Variants in FSIP2 observed in about 807,000 individuals in gnomAD.
FSIP2 encodes the protein fibrous sheath-interacting protein 2.
FSIP2 carries 367 observed loss-of-function variants against 510.5 expected under a neutral mutation model. That is an observed-to-expected ratio of 0.72 (90% CI 0.66 to 0.78). FSIP2 has a LOEUF of 0.78. Among genes scored for constraint, FSIP2 ranks in the 30% least tolerant of loss-of-function variants. The probability of loss-of-function intolerance (pLI) is 0.00; values close to 1 mark genes in which losing one functional copy is unlikely to be tolerated. For missense variants in FSIP2, 7,594 were observed against 7,901.7 expected (o/e 0.96, Z 1.48); for synonymous variants, 2,601 against 2,732.2 (o/e 0.95, Z 1.50).
intron 8 of FSIP2, among the ~76,000 whole-genome samples, chr2:185,755,019 T>A (rs1337677823): frequency 4.6e-5 from 7 of 151,524 alleles, no homozygotes; most frequent in Admixed American, 6.6e-5. Flanking sequence ...CTTCTCTGCC[T>A]CTCTGTATCC....
Position 185,743,127 on chromosome 2 carries a change from T to C in FSIP2, c.226-6T>C. 6.9e-7 allele frequency: 1 copy of C among 1,459,492 alleles called. No individual in the cohort carries two copies. Among genetic ancestry groups the C allele is most frequent in the Non-Finnish European group, 9.0e-7 (1 of 1,114,186 alleles). The allele number at this position is 1,459,492 out of a possible 1,614,324, so 90.4% of individuals were successfully genotyped here. On this transcript the variant is annotated splice_polypyrimidine_tract_variant and splice_region_variant and intron_variant, in intron 2 of 22. Coordinates refer to ENST00000424728, the MANE Select transcript of FSIP2 (RefSeq NM_173651.4). ...ATTTTACATATTTTTGAATCTGTGT[T>C]TGCAGCTTTTTCGACCTTCTTATGG...
chr2:185,831,840 G>C lies in FSIP2; in HGVS notation c.20545G>C (p.Asp6849His), dbSNP rs1202081942. Residue 6849 changes from aspartate (D) to histidine (H), a missense_variant, in exon 22 of 23, where the codon GAT (aspartate) becomes CAT (histidine). Physicochemically the swap from Asp to His is moderately conservative, Grantham distance 81. Coordinates refer to ENST00000424728, the MANE Select transcript of FSIP2 (RefSeq NM_173651.4). The part of the protein sequence containing the change: ...KFITIFERSK[D>H]VLGSANPSKE... ...TATCACCATCTTTGAAAGATCCAAG[G>C]ATGTTCTTGGCAGTGCAAATCCCTC... The C allele has an allele frequency of 6.2e-7, 1 of 1,609,486 alleles. No individual in the cohort carries two copies. The highest frequency in any genetic ancestry group is 1.3e-5 in the African/African-American group (1 of 74,666).
Position 185,808,949 on chromosome 2 carries a change from C to G in FSIP2, c.19643C>G (p.Thr6548Ser). Residue 6548 changes from threonine to serine, a missense_variant, in exon 17 of 23, where the codon ACT (threonine) becomes AGT (serine). Transcript: ENST00000424728. ...SEHLAVISIK[T>S]QPLEKLKQEC... ...CACTTAGCAGTTATTTCTATAAAAA[C>G]TCAACCTCTTGAGAAACTTAAGCAG... is the stretch of plus-strand genomic sequence containing the variant. 2 of 1,608,860 alleles carry G rather than the reference C, an allele frequency of 1.2e-6. No homozygotes were observed.
chr2:185,751,488 T>TGTGCGC (rs1325592126), intron 7 of FSIP2, among the ~76,000 whole-genome samples: 3 of 150,148 alleles, frequency 2.0e-5, no homozygotes, highest in South Asian at 4.2e-4. Context: ...TGTGTGTGTG[T>TGTGCGC]GTGTGTGTGT....
chr2:185,738,621 G>C, upstream of FSIP2: 1 of 1,535,976 alleles, frequency 6.5e-7, no homozygotes, highest in African/African-American at 1.4e-5. Flanking sequence ...GATGGTTTCA[G>C]AGAAAGATGA....
At chr2:185,812,494 G>T (rs374259760) in intron 17 of FSIP2, among the ~76,000 whole-genome samples, 2 of 151,942 alleles carry the variant, frequency 1.3e-5, no homozygotes, top group African/African-American at 4.8e-5. Flanking sequence ...GGCACCAATC[G>T]GGCTACCAAT....
intron 19 of FSIP2, 39 bp from the exon 20 acceptor site, chr2:185,824,395 A>C: frequency 7.0e-7 from 1 of 1,424,328 alleles, no homozygotes; most frequent in Non-Finnish European, 9.8e-7. Context: ...TTCATTTATC[A>C]AATTCACCCT....
Position 185,796,853 on chromosome 2 carries a change from CAA to C in FSIP2, c.9719_9720del (p.Lys3240SerfsTer10). On this transcript the variant is annotated frameshift_variant, in exon 16 of 23. Transcript: ENST00000424728. LOFTEE classifies it high-confidence loss of function. ...ETMPSCSTRN[K>X]VQDHRPRESN... ...CTATGCCATCGTGTTCTACTAGAAA[CAA>C]AGTACAAGACCACAGACCAAGGGAA... is the stretch of plus-strand genomic sequence containing the variant. The C allele has an allele frequency of 1.3e-6, 2 of 1,535,128 alleles. No homozygotes were observed. Among genetic ancestry groups the C allele is most frequent in the South Asian group, 2.4e-5 (2 of 84,036 alleles).
upstream of FSIP2, among the ~76,000 whole-genome samples, chr2:185,737,331 G>A (rs982023427): frequency 1.3e-5 from 2 of 152,170 alleles, no homozygotes; most frequent in Non-Finnish European, 2.9e-5. Flanking sequence ...TTGCGCTGAG[G>A]GCAGTTGGGA....
At position 185,762,175 on chromosome 2, in the gene FSIP2, G is replaced by T. The variant is rs557860010; in HGVS notation, c.1240+158G>T. 3.3e-5 allele frequency among the ~76,000 whole-genome samples: 5 copies of T among 151,164 alleles called. No homozygotes were observed. The East Asian group carries it at 9.7e-4, about 29-fold the overall frequency. ...TTTATGAATATAGATATTATAATTA[G>T]CCCATATATTTGAGTGATTGCTGGA... On this transcript the variant is annotated intron_variant, in intron 11 of 22. Coordinates refer to ENST00000424728, the MANE Select transcript of FSIP2 (RefSeq NM_173651.4).
chr2:185,816,013 A>C (rs536133135), intron 19 of FSIP2, among the ~76,000 whole-genome samples: 1 of 152,190 alleles, frequency 6.6e-6, no homozygotes, highest in Admixed American at 6.5e-5. Context: ...AGTATGGGCT[A>C]TAACAGTTAT....
At position 185,768,108 on chromosome 2, in the gene FSIP2, T is replaced by A. The variant is rs948859114; in HGVS notation, c.1411+3543T>A. On this transcript the variant is annotated intron_variant, in intron 13 of 22. Transcript: ENST00000424728. ...ATCATTATGGTTTTGATTGTATTTT[T>A]ATTTTTAATAATTTTTTTTTACTAT... Among the ~76,000 whole-genome samples the A allele has an allele frequency of 3.3e-5, 5 of 152,238 alleles. No individual in the cohort carries two copies. In the East Asian group the frequency reaches 9.7e-4, roughly 29 times the overall value.
Position 185,791,823 on chromosome 2 carries a change from G to A in FSIP2, c.4687G>A (p.Val1563Met). 6.5e-7 allele frequency: 1 copy of A among 1,533,954 alleles called. No individual in the cohort carries two copies. The highest frequency in any genetic ancestry group is 1.2e-5 in the South Asian group (1 of 83,882). The change falls in exon 16 of 23, where the codon GTG (valine) becomes ATG (methionine). Residue 1563 changes from valine to methionine, a missense_variant. Transcript: ENST00000424728. The stretch of plus-strand genomic sequence containing the variant: ...AAGCAAGGCAAAACCTGTTGCTCCT[G>A]TGTCTTCCAAAACACCAAGCACAAA... ...TKSKAKPVAP[V>M]SSKTPSTKEM...
chr2:185,822,005 A>C (rs1294046560), intron 19 of FSIP2, among the ~76,000 whole-genome samples: 1 of 151,960 alleles, frequency 6.6e-6, no homozygotes, highest in Non-Finnish European at 1.5e-5. Flanking sequence ...AAACCATTTG[A>C]CGAAAGTTAA....
intron 13 of FSIP2, among the ~76,000 whole-genome samples, chr2:185,782,457 T>C (rs1309270098): frequency 1.3e-5 from 2 of 152,098 alleles, no homozygotes; most frequent in South Asian, 4.1e-4. Context: ...AAGTGCAAAA[T>C]ATTCTGTCTC....
chr2:185,795,111 T>G lies in FSIP2; in HGVS notation c.7975T>G (p.Cys2659Gly). Residue 2659 changes from cysteine (C) to glycine (G), a missense_variant, in exon 16 of 23, where the codon TGC becomes GGC. Coordinates refer to ENST00000424728, the MANE Select transcript of FSIP2 (RefSeq NM_173651.4). Reference protein sequence around the residue: ...KVSPKDNPKPCFKAHLKTRSK... With the variant: ...KVSPKDNPKPGFKAHLKTRSK... ...GAGCCCTAAGGACAACCCTAAGCCA[T>G]GCTTTAAAGCACATTTAAAAACAAG... 5 of 1,534,970 alleles carry G rather than the reference T, an allele frequency of 3.3e-6. No individual in the cohort carries two copies. Among genetic ancestry groups the G allele is most frequent in the Non-Finnish European group, 4.4e-6 (5 of 1,146,130 alleles).
chr2:185,758,649 G>A (rs1163009611), intron 9 of FSIP2, among the ~76,000 whole-genome samples: 2 of 151,020 alleles, frequency 1.3e-5, no homozygotes, highest in African/African-American at 4.8e-5. Context: ...AGCTCTAGAG[G>A]TATTTTTGGC....
Position 185,794,401 on chromosome 2 carries a change from T to C in FSIP2, c.7265T>C (p.Leu2422Ser). 1.3e-6 allele frequency: 2 copies of C among 1,517,516 alleles called. No individual in the cohort carries two copies. The allele number at this position is 1,517,516 out of a possible 1,614,324, so 94.0% of individuals were successfully genotyped here. ...NSKENSNFSQ[L>S]ALSNEILLGH... The stretch of plus-strand genomic sequence containing the variant: ...AAAGAAAATTCTAACTTTTCACAAT[T>C]AGCTTTATCAAATGAAATATTGCTG... Residue 2422 changes from leucine (L) to serine (S), a missense_variant, in exon 16 of 23, where the codon TTA becomes TCA. Transcript: ENST00000424728.
Position 185,794,106 on chromosome 2 carries a change from GAGCTTAC to G in FSIP2, c.6973_6979del (p.Leu2325IlefsTer34). 6.5e-7 allele frequency: 1 copy of G among 1,530,954 alleles called. No individual in the cohort carries two copies. The highest frequency in any genetic ancestry group is 8.7e-7 in the Non-Finnish European group (1 of 1,143,846). 94.8% of individuals were successfully genotyped at this position (1,530,954 alleles called of 1,614,324 possible). A position where few individuals can be genotyped will look rare whatever the true frequency, so the allele number is the denominator to read the frequency against. On this transcript the variant is annotated frameshift_variant, in exon 16 of 23. Coordinates refer to ENST00000424728, the MANE Select transcript of FSIP2 (RefSeq NM_173651.4). LOFTEE classifies it high-confidence loss of function. ...AGCAACTGAAACCATTCTCAGCCAA[GAGCTTAC>G]AGATTTCACTTTTGTTGGTCGCAGA...
Sources: gnomAD v4.1 joint callset for allele counts (sites outside exome capture counted in the v4.1 genomes callset) on GRCh38, gnomAD v4.1.1 for gene constraint, MANE v1.5 for transcripts, NCBI Gene and HGNC (gene_info 2026-07-23, HGNC 2026-07-21) for gene names.